Variants in NEB observed in about 807,000 individuals in gnomAD.
The protein encoded by NEB is nemaline myopathy type 2.
A neutral mutation model predicts 952.2 loss-of-function variants in NEB; 512 were observed. The ratio of observed to expected loss-of-function variants is 0.54; its 90% CI spans 0.50 to 0.58. The LOEUF (loss-of-function observed/expected upper bound fraction) is 0.58, where lower values mean the gene tolerates loss of function less well. Among genes scored for constraint, NEB ranks in the 20% least tolerant of loss-of-function variants. The pLI, the probability that NEB is intolerant of heterozygous loss-of-function variation, is 0.00. For missense variants in NEB, 8,428 were observed against 9,231.1 expected (o/e 0.91, Z 3.56); for synonymous variants, 2,900 against 3,149.8 (o/e 0.92, Z 2.66).
intron 71 of NEB, 26 bp from the exon 72 acceptor site, chr2:151,621,052 A>G: frequency 6.5e-7 from 1 of 1,546,022 alleles, no homozygotes; most frequent in Non-Finnish European, 8.8e-7. Flanking sequence ...GTAGCTTTTA[A>G]ATATAGAATT....
At chr2:151,601,160 T>G (rs2097513158) in intron 88 of NEB, among the ~76,000 whole-genome samples, 1 of 123,672 alleles carries the variant, frequency 8.1e-6, no homozygotes, top group Non-Finnish European at 1.6e-5. Context: ...CAGGCTAGAG[T>G]GCAGTAGCAC....
intron 120 of NEB, 105 bp from the exon 121 acceptor site, chr2:151,562,319 C>T: frequency 2.0e-6 from 2 of 1,012,238 alleles, no homozygotes; most frequent in Non-Finnish European, 3.1e-6. Context: ...GCTTAGAAGA[C>T]ATAGGGTAGG....
At chr2:151,548,244 A>C (rs946944275) in intron 131 of NEB, 64 bp downstream of exon 131, 6 of 1,318,530 alleles carry the variant, frequency 4.6e-6, no homozygotes, top group Non-Finnish European at 6.5e-6. Flanking sequence ...TTCTTAATGC[A>C]TTTCAAACAA....
chr2:151,591,870 A>G (rs1333319440), intron 95 of NEB, among the ~76,000 whole-genome samples, 164 bp downstream of exon 95: 1 of 152,290 alleles, frequency 6.6e-6, no homozygotes, highest in Non-Finnish European at 1.5e-5. Flanking sequence ...TGTACATTAC[A>G]CAGACACACG....
At chr2:151,622,737 T>C (rs1202966749) in intron 71 of NEB, among the ~76,000 whole-genome samples, 2 of 152,218 alleles carry the variant, frequency 1.3e-5, no homozygotes, top group African/African-American at 4.8e-5. Context: ...CTCAGGAAAT[T>C]TAATATTGAT....
chr2:151,723,744 T>C (rs1379864221), intron 8 of NEB, among the ~76,000 whole-genome samples: 1 of 137,828 alleles, frequency 7.3e-6, no homozygotes, highest in Non-Finnish European at 1.5e-5. Context: ...TCTACCTGCC[T>C]TCTTTGTTTT....
At position 151,538,182 on chromosome 2, in the gene NEB, T is replaced by A. The variant is rs774687489; in HGVS notation, c.20955A>T (p.Leu6985=). ...KGKYHTVKDA[L]DIVYHRKVTD... Reference sequence around the variant, plus strand: ...TGACTTTGCGATGATAGACAATGTCTAGGGCATCTTTCACCGTGTGGTATT... The same window carrying A: ...TGACTTTGCGATGATAGACAATGTCAAGGGCATCTTTCACCGTGTGGTATT... The change falls in exon 139 of 182, where the codon CTA becomes CTT. Residue 6985 remains leucine, a synonymous_variant. Transcript: ENST00000397345. The A allele has an allele frequency of 6.2e-7, 1 of 1,613,218 alleles. No homozygotes were observed. Among genetic ancestry groups the A allele is most frequent in the Admixed American group, 1.7e-5 (1 of 60,010 alleles).
chr2:151,729,779 G>C, intron 3 of NEB, 123 bp from the exon 4 acceptor site: 1 of 949,534 alleles, frequency 1.1e-6, no homozygotes, highest in African/African-American at 1.6e-5. Flanking sequence ...TGTGGGAAAG[G>C]GGTAGGTGAG....
intron 40 of NEB, 91 bp downstream of exon 40, chr2:151,667,713 T>C (rs1451367938): frequency 1.9e-5 from 17 of 902,928 alleles, no homozygotes; most frequent in Non-Finnish European, 2.3e-5. Context: ...TTTATTTCTG[T>C]AGAGACAGGG....
intron 92 of NEB, 150 bp from the exon 93 acceptor site, chr2:151,594,468 A>G (rs1431692356): frequency 1.6e-6 from 2 of 1,282,754 alleles, no homozygotes; most frequent in Non-Finnish European, 2.2e-6. Context: ...TTCACTTTAA[A>G]GGAATTAGAT....
In NEB at chr2:151,710,529, T is replaced by C. The variant is rs1429644837; in HGVS notation, c.832A>G (p.Lys278Glu). 3.1e-6 allele frequency: 5 copies of C among 1,596,016 alleles called. No individual in the cohort carries two copies. Among genetic ancestry groups the C allele is most frequent in the Non-Finnish European group, 3.4e-6 (4 of 1,168,884 alleles). The change falls in exon 11 of 182, where the codon AAA (lysine) becomes GAA (glutamate). Residue 278 changes from lysine (K) to glutamate (E), a missense_variant. This residue lies in a region of NEB where 2,851 missense variants were observed against 2,791.5 expected (regional missense o/e 1.02). Coordinates refer to ENST00000397345, the MANE Select transcript of NEB (RefSeq NM_001164508.2). Reference protein sequence around the residue: ...VTNQVSKQKYKEDYENKIKGK... With the variant: ...VTNQVSKQKYEEDYENKIKGK... ...TTGATTTTATTTTCATAGTCTTCTT[T>C]GTATTTTTGCTAGAAAAAAGAAAAA...
rs2099429603 is a variant in NEB at position 151,682,699 on chromosome 2, A to G, written c.2906T>C (p.Met969Thr). The stretch of plus-strand genomic sequence containing the variant: ...GTCTGAAGCTCGCTTTGCCTTTTCC[A>G]TTTCTAAGGACCCAAAAGGCACCCA... ...CGWVPFGSLE[M>T]EKAKRASDIL... Residue 969 changes from methionine to threonine, a missense_variant, in exon 29 of 182, where the codon ATG becomes ACG. Physicochemically the swap from Met to Thr is moderately conservative, Grantham distance 81. Around this residue, in one of 11 missense-constraint regions of NEB, gnomAD observed 2,851 missense variants for 2,791.5 expected, o/e 1.02. Transcript: ENST00000397345. 3 of 1,613,018 alleles carry G rather than the reference A, an allele frequency of 1.9e-6. No homozygotes were observed. The highest frequency in any genetic ancestry group is 2.5e-6 in the Non-Finnish European group (3 of 1,179,494).
intron 25 of NEB, 76 bp downstream of exon 25, chr2:151,688,216 T>A: frequency 2.5e-6 from 3 of 1,207,312 alleles, no homozygotes; most frequent in Non-Finnish European, 3.5e-6. Flanking sequence ...CAATTCCTTG[T>A]CTTGTCTTTT....
intron 34 of NEB, among the ~76,000 whole-genome samples, chr2:151,676,847 A>G (rs1320424217): frequency 6.6e-6 from 1 of 152,204 alleles, no homozygotes; most frequent in African/African-American, 2.4e-5. Flanking sequence ...GTGAATTTCT[A>G]TATCCCATGA....
chr2:151,629,427 A>G (rs964359650), intron 68 of NEB, 112 bp downstream of exon 68: 8 of 915,528 alleles, frequency 8.7e-6, no homozygotes, highest in Non-Finnish European at 8.5e-6. Flanking sequence ...AATTTGATTT[A>G]GAAAAACAAG....
chr2:151,499,253 A>AAAC (rs1227057538), intron 169 of NEB, 45 bp downstream of exon 169: 2 of 1,056,786 alleles, frequency 1.9e-6, no homozygotes, highest in East Asian at 5.3e-5. Flanking sequence ...TAATCTTTTT[A>AAAC]AACATTTTTT....
chr2:151,504,516 A>G (rs920064204), intron 165 of NEB, among the ~76,000 whole-genome samples: 1 of 152,252 alleles, frequency 6.6e-6, no homozygotes, highest in African/African-American at 2.4e-5. Flanking sequence ...ACCACAGAGT[A>G]TAAGCAGAGA....
At position 151,540,429 on chromosome 2, in the gene NEB, T is replaced by C; in HGVS notation, c.20807A>G (p.Tyr6936Cys). Reference sequence around the variant, plus strand: ...AGTGTACTTGTCTTTCATCTTTTCATATTGAATCTTGTACTTTTTCTGAGA... The same window carrying C: ...AGTGTACTTGTCTTTCATCTTTTCACATTGAATCTTGTACTTTTTCTGAGA... ...MVSEKKYKIQ[Y>C]EKMKDKYTPV... Residue 6936 changes from tyrosine (Y) to cysteine (C), a missense_variant, in exon 138 of 182, where the codon TAT (tyrosine) becomes TGT (cysteine). Coordinates refer to ENST00000397345, the MANE Select transcript of NEB (RefSeq NM_001164508.2). 1 of 1,567,186 alleles carries C rather than the reference T, an allele frequency of 6.4e-7. No individual in the cohort carries two copies. The highest frequency in any genetic ancestry group is 1.9e-5 in the Admixed American group (1 of 53,132).
chr2:151,718,639 C>T (rs1325599321), intron 9 of NEB, among the ~76,000 whole-genome samples: 1 of 152,166 alleles, frequency 6.6e-6, no homozygotes, highest in East Asian at 1.9e-4. Context: ...GGGAATGACT[C>T]CTGCACCCAG....
Sources: gnomAD v4.1 joint callset for allele counts (sites outside exome capture counted in the v4.1 genomes callset) on GRCh38, gnomAD v4.1.1 for gene constraint, gnomAD v4.1.1 regional missense constraint, MANE v1.5 for transcripts, NCBI Gene and HGNC (gene_info 2026-07-23, HGNC 2026-07-21) for gene names.